TOPBP1: variants seen among roughly 807,000 people sequenced by gnomAD.
The protein encoded by TOPBP1 is DNA topoisomerase II binding protein 1.
TOPBP1 carries 28 observed loss-of-function variants against 167.7 expected under a neutral mutation model. The ratio of observed to expected loss-of-function variants is 0.17; its 90% CI spans 0.12 to 0.23. The LOEUF (loss-of-function observed/expected upper bound fraction) is 0.23. TOPBP1 is among the 10% of genes least tolerant of loss of function. The probability of loss-of-function intolerance (pLI) is 1.00; values close to 1 mark genes in which losing one functional copy is unlikely to be tolerated. For synonymous variants in TOPBP1, 598 were observed against 611.4 expected, an observed-to-expected ratio of 0.98 and a Z score of 0.32; for missense variants, 1,554 against 1,809.6, an observed-to-expected ratio of 0.86 and a Z score of 2.56.
chr3:133,646,816 CT>C (rs1484921888), intron 10 of TOPBP1, among the ~76,000 whole-genome samples: 1 of 152,116 alleles, frequency 6.6e-6, no homozygotes, highest in East Asian at 1.9e-4. Context: ...GGAATTCCCT[CT>C]CTAGAAATAT....
intron 10 of TOPBP1, among the ~76,000 whole-genome samples, chr3:133,648,540 G>A (rs995031895): frequency 3.7e-4 from 56 of 152,332 alleles, no homozygotes; most frequent in Middle Eastern, 3.4e-3. Flanking sequence ...GCTCACGCCC[G>A]TAATCCCAGC....
chr3:133,602,514 A>G (rs1285789576), intron 27 of TOPBP1, among the ~76,000 whole-genome samples: 1 of 152,244 alleles, frequency 6.6e-6, no homozygotes, highest in Non-Finnish European at 1.5e-5. Context: ...AGTTTCCTCA[A>G]AATGCACAGA....
Position 133,647,492 on chromosome 3 carries a change from A to G in TOPBP1, c.1504+1891T>C, listed in dbSNP as rs551132382. On this transcript the variant is annotated intron_variant, in intron 10 of 27. Transcript: ENST00000260810. ...CCAGGCACCATAAACAACAGCCAACAGAACAATTCACAGATGTTTTGATAG... is the reference window on the plus strand; with the variant it reads ...CCAGGCACCATAAACAACAGCCAACGGAACAATTCACAGATGTTTTGATAG... 2.4e-4 allele frequency among the ~76,000 whole-genome samples: 37 copies of G among 152,350 alleles called. 1 individual carries two copies. Among genetic ancestry groups the G allele is most frequent in the African/African-American group, 7.5e-4 (31 of 41,596 alleles).
At chr3:133,605,741 T>G (rs951951130) in intron 27 of TOPBP1, among the ~76,000 whole-genome samples, 22 of 152,204 alleles carry the variant, frequency 1.4e-4, no homozygotes, top group Non-Finnish European at 2.9e-4. Flanking sequence ...CCACTTCTAT[T>G]CAGCAGCATA....
intron 27 of TOPBP1, among the ~76,000 whole-genome samples, chr3:133,607,611 C>A (rs1934533819): frequency 6.6e-6 from 1 of 152,038 alleles, no homozygotes; most frequent in Non-Finnish European, 1.5e-5. Context: ...TTATGTGATG[C>A]TCAAGGGAAG....
At chr3:133,640,485 A>G (rs555802087) in intron 12 of TOPBP1, among the ~76,000 whole-genome samples, 14 of 152,314 alleles carry the variant, frequency 9.2e-5, no homozygotes, top group Admixed American at 7.2e-4. Flanking sequence ...ATCACAGCTC[A>G]CTGCAACCTC....
chr3:133,634,320 C>G (rs183283214), intron 14 of TOPBP1, among the ~76,000 whole-genome samples: 7 of 152,204 alleles, frequency 4.6e-5, no homozygotes, highest in Admixed American at 2.0e-4. Context: ...GTCAGCCTGG[C>G]CAACATGGCA....
intron 17 of TOPBP1, 50 bp downstream of exon 17, chr3:133,624,002 T>G (rs1935183882): frequency 6.4e-7 from 1 of 1,572,026 alleles, no homozygotes; most frequent in Non-Finnish European, 8.6e-7. Context: ...AAATAATGTT[T>G]GTATACATTT....
At chr3:133,629,844 T>C (rs1039156906) in intron 14 of TOPBP1, among the ~76,000 whole-genome samples, 6 of 152,240 alleles carry the variant, frequency 3.9e-5, no homozygotes, top group South Asian at 2.1e-4. Flanking sequence ...TGGAGTACAA[T>C]GGCGCGATCT....
chr3:133,618,556 G>T, intron 20 of TOPBP1, 123 bp from the exon 21 acceptor site: 2 of 724,628 alleles, frequency 2.8e-6, no homozygotes, highest in Non-Finnish European at 4.4e-6. Context: ...CACACAGTAT[G>T]CATTAAAAAT....
At chr3:133,608,279 T>A (rs1934555370) in intron 27 of TOPBP1, among the ~76,000 whole-genome samples, 1 of 152,176 alleles carries the variant, frequency 6.6e-6, no homozygotes, top group Admixed American at 6.5e-5. Flanking sequence ...TTTTAAAGGG[T>A]ATTTTTAAAG....
chr3:133,602,311 A>C (rs1934332603), intron 27 of TOPBP1, among the ~76,000 whole-genome samples: 1 of 152,228 alleles, frequency 6.6e-6, no homozygotes, highest in South Asian at 2.1e-4. Context: ...ACTGTCCTTC[A>C]ACAATGAAGG....
rs373704006 is a variant in TOPBP1, at chr3:133,614,282, C to T, written c.3872-1730G>A. On this transcript the variant is annotated intron_variant, in intron 23 of 27. Transcript: ENST00000260810. ...GTTACTATTATTATCTGCATTTATG[C>T]ACATGAAAACTGGTAGAGCACCTTA... is the stretch of plus-strand genomic sequence containing the variant. Among the ~76,000 whole-genome samples, 7 of 152,236 alleles carry T rather than the reference C, an allele frequency of 4.6e-5. 1 individual carries two copies. The highest frequency in any genetic ancestry group is 6.5e-5 in the Admixed American group (1 of 15,294).
At chr3:133,647,255 G>C (rs940163098) in intron 10 of TOPBP1, among the ~76,000 whole-genome samples, 2 of 152,154 alleles carry the variant, frequency 1.3e-5, no homozygotes, top group African/African-American at 4.8e-5. Flanking sequence ...CCTCAAAGTA[G>C]GTTTGGGTAT....
At chr3:133,655,606 AAGG>A (rs972627378) in intron 5 of TOPBP1, 120 bp from the exon 6 acceptor site, 6 of 526,302 alleles carry the variant, frequency 1.1e-5, no homozygotes, top group Middle Eastern at 5.3e-4. Flanking sequence ...TTTTTTTACA[AAGG>A]AGAACCACCA....
At chr3:133,661,463 C>T (rs1395877110) in intron 1 of TOPBP1, among the ~76,000 whole-genome samples, 2 of 152,234 alleles carry the variant, frequency 1.3e-5, no homozygotes, top group Non-Finnish European at 2.9e-5. Context: ...GTGTATCTGT[C>T]CCTGCGGATA....
Position 133,612,384 on chromosome 3 carries a change from C to A in TOPBP1, c.4035+5G>T, listed in dbSNP as rs760770890. The A allele has an allele frequency of 2.5e-6, 4 of 1,613,514 alleles. No individual in the cohort carries two copies. Among genetic ancestry groups the A allele is most frequent in the Middle Eastern group, 1.7e-4 (1 of 6,054 alleles). On this transcript the variant is annotated splice_donor_5th_base_variant and intron_variant, in intron 24 of 27. Coordinates refer to ENST00000260810, the MANE Select transcript of TOPBP1 (RefSeq NM_007027.4). ...AAATAAACTTCCACAAATCTGAATA[C>A]ACACCTGCACGAAGTGTCCAGCAGT...
At chr3:133,616,578 G>C (rs1233060146) in intron 23 of TOPBP1, among the ~76,000 whole-genome samples, 2 of 152,192 alleles carry the variant, frequency 1.3e-5, no homozygotes, top group African/African-American at 4.8e-5. Context: ...CAGCACAGAA[G>C]ATTCTTAAAC....
intron 8 of TOPBP1, among the ~76,000 whole-genome samples, chr3:133,651,946 C>A (rs1053028001): frequency 6.6e-5 from 10 of 152,220 alleles, no homozygotes; most frequent in East Asian, 3.9e-4. Flanking sequence ...CAAACCTGGG[C>A]AACATAGTGA....
Sources: gnomAD v4.1 joint callset for allele counts (sites outside exome capture counted in the v4.1 genomes callset) on GRCh38, gnomAD v4.1.1 for gene constraint, MANE v1.5 for transcripts, NCBI Gene and HGNC (gene_info 2026-07-23, HGNC 2026-07-21) for gene names.